The following ALDH1L1 variants were observed in gnomAD, a reference collection of about 807,000 sequenced individuals.
ALDH1L1 encodes the protein cytosolic 10-formyltetrahydrofolate dehydrogenase.
In ALDH1L1, 68 loss-of-function variants were observed where a neutral mutation model predicts 101.1. The ratio of observed to expected loss-of-function variants is 0.67; its 90% CI spans 0.55 to 0.82. ALDH1L1 has a LOEUF of 0.82. ALDH1L1 is among the 40% of genes least tolerant of loss of function. ALDH1L1 has a pLI of 0.00. For missense variants in ALDH1L1, 1,087 were observed against 1,172.7 expected, an observed-to-expected ratio of 0.93 and a Z score of 1.07; for synonymous variants, 486 against 470.8, an observed-to-expected ratio of 1.03 and a Z score of -0.42.
intron 9 of ALDH1L1, among the ~76,000 whole-genome samples, chr3:126,138,576 G>A (rs2108256445): frequency 6.6e-6 from 1 of 152,242 alleles, no homozygotes; most frequent in East Asian, 1.9e-4. Flanking sequence ...AAACCACAAT[G>A]GAATATAGCT....
rs2080885487 is a variant in ALDH1L1, at chr3:126,155,437, T to A, written c.595A>T (p.Thr199Ser). Residue 199 changes from threonine (T) to serine (S), a missense_variant, in exon 5 of 23, where the codon ACC becomes TCC. By Grantham distance (58) the Thr-to-Ser change is moderately conservative. Transcript: ENST00000393434. ...PRLPQPEEGA[T>S]YEGIQKKETA... ...TCCTTCTTCTGAATCCCCTCATAGG[T>A]GGCTCCTTCCTCAGGCTGAGGGAGT... The A allele has an allele frequency of 6.2e-7, 1 of 1,613,208 alleles. No homozygotes were observed. Among genetic ancestry groups the A allele is most frequent in the African/African-American group, 1.3e-5 (1 of 74,922 alleles).
intron 8 of ALDH1L1, among the ~76,000 whole-genome samples, chr3:126,147,927 T>G (rs1338235463): frequency 2.0e-5 from 3 of 152,150 alleles, no homozygotes; most frequent in Non-Finnish European, 4.4e-5. Flanking sequence ...GGCTCTCACC[T>G]GCTGGCGACA....
rs754087194 is a variant in ALDH1L1 at position 126,103,833 on chromosome 3, C to A, written c.2667G>T (p.Leu889=). The change falls in exon 23 of 23, where the codon CTG becomes CTT. Residue 889 remains leucine, a synonymous_variant. Coordinates refer to ENST00000393434, the MANE Select transcript of ALDH1L1 (RefSeq NM_012190.4). ...CTGTCTTGACCCGCAGGTACTCGTT[C>A]AGAGCCGCCTCTCCTGTAAGACACC... is the stretch of plus-strand genomic sequence containing the variant. ...GFGKDLGEAA[L]NEYLRVKTVT... The A allele has an allele frequency of 1.3e-5, 21 of 1,613,362 alleles. No individual in the cohort carries two copies. The highest frequency in any genetic ancestry group is 1.7e-5 in the Non-Finnish European group (20 of 1,179,814).
chr3:126,117,660 A>C (rs1409540850), intron 17 of ALDH1L1, among the ~76,000 whole-genome samples: 3 of 129,240 alleles, frequency 2.3e-5, no homozygotes, highest in East Asian at 2.1e-4. Context: ...TCAAAAAAAA[A>C]AACAACAACA....
chr3:126,110,632 C>T (rs2108179948), intron 19 of ALDH1L1, among the ~76,000 whole-genome samples: 1 of 152,212 alleles, frequency 6.6e-6, no homozygotes, highest in South Asian at 2.1e-4. Context: ...CAGGGCATCT[C>T]ACATCTTGCA....
chr3:126,123,257 CTTTTTT>C (rs138624090), intron 16 of ALDH1L1, among the ~76,000 whole-genome samples: 9 of 138,656 alleles, frequency 6.5e-5, no homozygotes, highest in Non-Finnish European at 6.2e-5. Flanking sequence ...CACCAAAACT[CTTTTTT>C]TTTTTTTTTT....
intron 8 of ALDH1L1, among the ~76,000 whole-genome samples, chr3:126,150,149 CT>C (rs897350113): frequency 7.2e-5 from 11 of 152,200 alleles, no homozygotes; most frequent in Non-Finnish European, 1.3e-4. Flanking sequence ...TTCTGTTTCA[CT>C]TATTAAGTGT....
intron 1 of ALDH1L1, among the ~76,000 whole-genome samples, chr3:126,173,783 A>G (rs929100712): frequency 4.6e-5 from 7 of 152,232 alleles, no homozygotes; most frequent in Admixed American, 2.6e-4. Context: ...ACCACTAATC[A>G]AAAGAAATAT....
chr3:126,161,107 A>AGG, intron 1 of ALDH1L1, 105 bp from the exon 2 acceptor site: 3 of 1,353,866 alleles, frequency 2.2e-6, no homozygotes, highest in Non-Finnish European at 3.0e-6. Flanking sequence ...GCTCTACCCC[A>AGG]GTCCCCTCTG....
Position 126,158,597 on chromosome 3 carries a change from G to T in ALDH1L1, c.170C>A (p.Ser57Tyr). The T allele has an allele frequency of 6.2e-7, 1 of 1,614,026 alleles. No individual in the cohort carries two copies. Among genetic ancestry groups the T allele is most frequent in the Non-Finnish European group, 8.5e-7 (1 of 1,179,862 alleles). Residue 57 changes from serine (S) to tyrosine (Y), a missense_variant, in exon 3 of 23, where the codon TCC becomes TAC. Physicochemically the swap from Ser to Tyr is moderately radical, Grantham distance 144. This residue lies in a region of ALDH1L1 where 645 missense variants were observed against 637.0 expected (regional missense o/e 1.01). Coordinates refer to ENST00000393434, the MANE Select transcript of ALDH1L1 (RefSeq NM_012190.4). ...EKDGVPVFKY[S>Y]RWRAKGQALP... ...AGCCTGTCCTTTTGCACGCCACCGG[G>T]AGTACTTGAATACCGGCACTCCATC...
chr3:126,180,972 C>T (rs762267932), upstream of ALDH1L1: 1 of 1,610,700 alleles, frequency 6.2e-7, no homozygotes, highest in East Asian at 2.2e-5. Flanking sequence ...CTGCCATGTG[C>T]TACGGACACA....
Position 126,153,476 on chromosome 3 carries a change from C to T in ALDH1L1, c.826G>A (p.Gly276Arg), listed in dbSNP as rs760037250. ...TCATCATTCCCAAAGAGGATGAGTC[C>T]TGCTTTGGTGACCACCCCTGGCCGA... The part of the protein sequence containing the change: ...AHRPGVVTKA[G>R]LILFGNDDKM... The change falls in exon 7 of 23, where the codon GGA (glycine) becomes AGA (arginine). Residue 276 changes from glycine to arginine, a missense_variant. Gly to Arg is a moderately radical substitution (Grantham distance 125). Around this residue, in one of 2 missense-constraint regions of ALDH1L1, gnomAD observed 645 missense variants for 637.0 expected, o/e 1.01. Transcript: ENST00000393434. 6.2e-7 allele frequency: 1 copy of T among 1,614,148 alleles called. No individual in the cohort carries two copies. Among genetic ancestry groups the T allele is most frequent in the African/African-American group, 1.3e-5 (1 of 75,050 alleles).
intron 1 of ALDH1L1, among the ~76,000 whole-genome samples, chr3:126,179,423 C>T (rs2081427988): frequency 6.6e-6 from 1 of 152,184 alleles, no homozygotes; most frequent in African/African-American, 2.4e-5. Flanking sequence ...TCACTTGAAC[C>T]CGGGAGGCGG....
At chr3:126,177,728 C>T (rs1046637806) in intron 1 of ALDH1L1, among the ~76,000 whole-genome samples, 1 of 152,138 alleles carries the variant, frequency 6.6e-6, no homozygotes. Flanking sequence ...AACATTGCAT[C>T]GATATTGGCT....
upstream of ALDH1L1, chr3:126,180,974 A>G: frequency 6.2e-7 from 1 of 1,610,784 alleles, no homozygotes; most frequent in African/African-American, 1.3e-5. Context: ...GCCATGTGCT[A>G]CGGACACAGC....
intron 1 of ALDH1L1, chr3:126,179,946 C>T (rs1387060681): frequency 6.6e-6 from 1 of 152,180 alleles, no homozygotes; most frequent in East Asian, 1.9e-4. Context: ...CCAGCGCAGC[C>T]CCTGAGCGCT....
chr3:126,153,672 G>A, intron 6 of ALDH1L1, 91 bp from the exon 7 acceptor site: 1 of 1,494,984 alleles, frequency 6.7e-7, no homozygotes. Context: ...CTGGGAGAGG[G>A]AGAGGGGCCA....
At chr3:126,112,204 T>A (rs2108185545) in intron 19 of ALDH1L1, among the ~76,000 whole-genome samples, 1 of 152,304 alleles carries the variant, frequency 6.6e-6, no homozygotes, top group South Asian at 2.1e-4. Flanking sequence ...GGAGACACTG[T>A]CCTGTGCCCA....
chr3:126,135,661 A>G lies in ALDH1L1; in HGVS notation c.1346T>C (p.Val449Ala). Residue 449 changes from valine to alanine, a missense_variant and splice_region_variant, in exon 12 of 23, where the codon GTC (valine) becomes GCC (alanine). Val to Ala is a moderately conservative substitution (Grantham distance 64). Coordinates refer to ENST00000393434, the MANE Select transcript of ALDH1L1 (RefSeq NM_012190.4). ...SETINPTDGS[V>A]ICQVSLAQVT... ...TTGGGCCAGGGATACCTGGCAGATG[A>G]CCTATAGTGGAAGCAGAGCCATGAC... The G allele has an allele frequency of 6.5e-7, 1 of 1,544,930 alleles. No individual in the cohort carries two copies. Among genetic ancestry groups the G allele is most frequent in the Non-Finnish European group, 8.7e-7 (1 of 1,142,876 alleles).
Sources: gnomAD v4.1 joint callset for allele counts (sites outside exome capture counted in the v4.1 genomes callset) on GRCh38, gnomAD v4.1.1 for gene constraint, gnomAD v4.1.1 regional missense constraint, MANE v1.5 for transcripts, NCBI Gene and HGNC (gene_info 2026-07-23, HGNC 2026-07-21) for gene names.